LARGE1: variants seen among roughly 807,000 people sequenced by gnomAD.
The protein encoded by LARGE1 is xylosyl- and glucuronyltransferase LARGE1.
Under a neutral mutation model 87.6 loss-of-function variants are expected in LARGE1, and 43 were observed. The observed-to-expected ratio is 0.49, with a 90% CI of 0.38 to 0.63. The LOEUF is 0.63. LARGE1 is among the 30% of genes least tolerant of loss of function. The pLI is 0.00. For missense variants in LARGE1, 802 were observed against 1,000.2 expected, an observed-to-expected ratio of 0.80 and a Z score of 2.67; for synonymous variants, 434 against 394.6, an observed-to-expected ratio of 1.10 and a Z score of -1.18.
intron 6 of LARGE1, among the ~76,000 whole-genome samples, chr22:33,526,561 C>G (rs934709976): frequency 1.6e-4 from 24 of 152,188 alleles, no homozygotes; most frequent in African/African-American, 5.8e-4. Flanking sequence ...CTGTAGTGTA[C>G]AAGATTCAGA....
At chr22:33,835,535 C>A (rs1203298784) in intron 1 of LARGE1, among the ~76,000 whole-genome samples, 1 of 152,210 alleles carries the variant, frequency 6.6e-6, no homozygotes, top group Non-Finnish European at 1.5e-5. Context: ...AGCTGCCTAA[C>A]AGAGACAGGT....
intron 2 of LARGE1, among the ~76,000 whole-genome samples, chr22:33,665,361 C>T (rs768936316): frequency 1.3e-5 from 2 of 152,164 alleles, no homozygotes; most frequent in Non-Finnish European, 2.9e-5. Context: ...ACAGTATCTC[C>T]AGGGTCTGGA....
chr22:33,585,984 C>A (rs1173628276), intron 5 of LARGE1, among the ~76,000 whole-genome samples: 1 of 152,198 alleles, frequency 6.6e-6, no homozygotes, highest in Non-Finnish European at 1.5e-5. Context: ...CAGGTGTGAG[C>A]CACTGCACCC....
At position 33,650,499 on chromosome 22, in the gene LARGE1, G is replaced by A. The variant is rs759755959; in HGVS notation, c.276C>T (p.Ser92=). Residue 92 remains serine, a synonymous_variant, in exon 3 of 15, where the codon TCC becomes TCT. Transcript: ENST00000397394. Reference sequence around the variant, plus strand: ...TCTTGGAGTGGTTGCCTCGGCGATGGGATGGGGCTCGGCCCTGGGCCAGGC... The same window carrying A: ...TCTTGGAGTGGTTGCCTCGGCGATGAGATGGGGCTCGGCCCTGGGCCAGGC... ...QLSLAQGRAP[S]HRRGNHSKTY... 2.5e-6 allele frequency: 4 copies of A among 1,613,436 alleles called. No individual in the cohort carries two copies. Among genetic ancestry groups the A allele is most frequent in the African/African-American group, 2.7e-5 (2 of 74,932 alleles).
intron 13 of LARGE1, among the ~76,000 whole-genome samples, chr22:33,278,542 A>ATCTCTCTCTC (rs369492393): frequency 6.7e-4 from 98 of 145,836 alleles, no homozygotes; most frequent in African/African-American, 2.5e-3. Flanking sequence ...ACTATTTTAA[A>ATCTCTCTCTC]TCTCTCTCTC....
chr22:33,654,275 C>T (rs1393284561), intron 2 of LARGE1, among the ~76,000 whole-genome samples: 1 of 152,098 alleles, frequency 6.6e-6, no homozygotes, highest in African/African-American at 2.4e-5. Context: ...CAATTAATGG[C>T]AGAATTGTCC....
chr22:33,894,457 CTCT>C (rs901399987), intron 1 of LARGE1, among the ~76,000 whole-genome samples: 16 of 152,240 alleles, frequency 1.1e-4, no homozygotes, highest in African/African-American at 3.9e-4. Flanking sequence ...CCCTTGTCTC[CTCT>C]TCTTATTTCA....
intron 6 of LARGE1, among the ~76,000 whole-genome samples, chr22:33,494,510 T>G (rs1186331496): frequency 6.6e-6 from 1 of 152,230 alleles, no homozygotes; most frequent in African/African-American, 2.4e-5. Context: ...ATTAAAAGAT[T>G]AGCTATCATG....
chr22:33,138,789 G>A, the LARGE1 span, among the ~76,000 whole-genome samples: 40 of 152,194 alleles, frequency 2.6e-4, no homozygotes, highest in African/African-American at 8.9e-4. Context: ...TTGAGACTTT[G>A]GGGGATGGTT....
chr22:33,359,602 T>C (rs1353386691), intron 9 of LARGE1, among the ~76,000 whole-genome samples: 1 of 148,282 alleles, frequency 6.7e-6, no homozygotes. Context: ...CTCGCTCTGT[T>C]GCCAAGGCTG....
intron 7 of LARGE1, among the ~76,000 whole-genome samples, chr22:33,398,483 C>G (rs572364947): frequency 6.6e-6 from 1 of 152,192 alleles, no homozygotes; most frequent in South Asian, 2.1e-4. Flanking sequence ...TTTAGACTCA[C>G]TTGCCGAACT....
At chr22:33,306,066 G>A (rs972263464) in intron 11 of LARGE1, among the ~76,000 whole-genome samples, 1 of 151,994 alleles carries the variant, frequency 6.6e-6, no homozygotes, top group Non-Finnish European at 1.5e-5. Context: ...GCATGGTCTC[G>A]ATCTCCTGAC....
intron 9 of LARGE1, among the ~76,000 whole-genome samples, chr22:33,339,041 A>C (rs1601510726): frequency 6.6e-6 from 1 of 151,880 alleles, no homozygotes; most frequent in South Asian, 2.1e-4. Flanking sequence ...CCAGCTACTC[A>C]GGAGGCTGAG....
chr22:33,387,349 C>T lies in LARGE1; in HGVS notation c.893-3045G>A, dbSNP rs180789613. ...GGCTGAGGCACAAGAATAGCTTGAA[C>T]CCAGGAGACGGAGGATGCGGTGAGC... On this transcript the variant is annotated intron_variant, in intron 7 of 14. Transcript: ENST00000397394. 6.0e-3 allele frequency among the ~76,000 whole-genome samples: 736 copies of T among 123,124 alleles called. 66 individuals are homozygous for T. Among genetic ancestry groups the T allele is most frequent in the Non-Finnish European group, 8.9e-3 (464 of 52,050 alleles). 80.8% of individuals were successfully genotyped at this position (123,124 alleles called of 152,430 possible). A position where few individuals can be genotyped will look rare whatever the true frequency, so the allele number is the denominator to read the frequency against.
chr22:33,551,265 A>C (rs1053493041), intron 6 of LARGE1, among the ~76,000 whole-genome samples: 7 of 152,250 alleles, frequency 4.6e-5, no homozygotes, highest in Non-Finnish European at 1.0e-4. Context: ...GAAACCCCGT[A>C]CTAAGGCAGA....
intron 4 of LARGE1, among the ~76,000 whole-genome samples, chr22:33,618,050 G>A (rs922635233): frequency 3.3e-5 from 5 of 152,156 alleles, no homozygotes; most frequent in Non-Finnish European, 7.3e-5. Flanking sequence ...AATTTACAAT[G>A]CAATGGCAAA....
chr22:33,780,039 G>T (rs571833301), intron 1 of LARGE1, among the ~76,000 whole-genome samples: 1 of 152,160 alleles, frequency 6.6e-6, no homozygotes, highest in African/African-American at 2.4e-5. Context: ...CTCTCAAGGC[G>T]CTGGGGAAAG....
At chr22:33,329,315 ATT>A (rs5845079) in intron 10 of LARGE1, among the ~76,000 whole-genome samples, 5 of 151,226 alleles carry the variant, frequency 3.3e-5, no homozygotes, top group Non-Finnish European at 5.9e-5. Context: ...TGTCCAGTGT[ATT>A]TTTTTTTTGT....
chr22:33,639,536 T>C (rs2080366726), intron 3 of LARGE1, among the ~76,000 whole-genome samples: 2 of 152,198 alleles, frequency 1.3e-5, no homozygotes, highest in Admixed American at 6.5e-5. Flanking sequence ...ATCCTCACAA[T>C]TGCACTGGGA....
Sources: gnomAD v4.1 joint callset for allele counts (sites outside exome capture counted in the v4.1 genomes callset) on GRCh38, gnomAD v4.1.1 for gene constraint, MANE v1.5 for transcripts, NCBI Gene and HGNC (gene_info 2026-07-23, HGNC 2026-07-21) for gene names.